TMEM161B: variants seen among roughly 807,000 people sequenced by gnomAD.
TMEM161B encodes the protein transmembrane protein 161B.
Under a neutral mutation model 61.8 loss-of-function variants are expected in TMEM161B, and 34 were observed. The ratio of observed to expected loss-of-function variants is 0.55; its 90% CI spans 0.42 to 0.73. TMEM161B has a LOEUF of 0.73. Among genes scored for constraint, TMEM161B ranks in the 30% least tolerant of loss-of-function variants. The pLI is 0.00. For synonymous variants in TMEM161B, 167 were observed against 192.8 expected (o/e 0.87, Z 1.11); for missense variants, 456 against 558.5 (o/e 0.82, Z 1.85).
At chr5:88,191,539 CTT>C (rs961890995), downstream of TMEM161B, among the ~76,000 whole-genome samples, 4 of 152,162 alleles carry the variant, frequency 2.6e-5, no homozygotes, top group African/African-American at 4.8e-5. Context: ...AGAAAACACT[CTT>C]TGTGAAGTCA....
intron 1 of TMEM161B, among the ~76,000 whole-genome samples, chr5:88,260,392 C>A (rs1336764664): frequency 6.6e-6 from 1 of 152,108 alleles, no homozygotes; most frequent in Non-Finnish European, 1.5e-5. Context: ...AATTCTAGTT[C>A]AAGCACACTT....
At chr5:88,225,211 C>T (rs887978617) in intron 4 of TMEM161B, among the ~76,000 whole-genome samples, 1 of 152,156 alleles carries the variant, frequency 6.6e-6, no homozygotes, top group African/African-American at 2.4e-5. Context: ...TCATGATCCG[C>T]CCGCCTTGGC....
chr5:88,187,771 C>CTTTA (rs10658606), downstream of TMEM161B, among the ~76,000 whole-genome samples: 126,784 of 151,562 alleles, frequency 0.84, 53,196 homozygotes, highest in Non-Finnish European at 0.88. Flanking sequence ...TCGTTTTTAG[C>CTTTA]TTAATTTTCT....
At chr5:88,207,759 C>G (rs765269826) in intron 5 of TMEM161B, among the ~76,000 whole-genome samples, 4 of 152,152 alleles carry the variant, frequency 2.6e-5, no homozygotes, top group East Asian at 3.9e-4. Context: ...CCAACACACA[C>G]AAATTGATTT....
chr5:88,235,834 C>T (rs181331171), intron 2 of TMEM161B, among the ~76,000 whole-genome samples: 8 of 152,264 alleles, frequency 5.3e-5, no homozygotes, highest in Non-Finnish European at 1.5e-5. Flanking sequence ...AAAACCTAGA[C>T]AATCTTTCAG....
intron 1 of TMEM161B, among the ~76,000 whole-genome samples, chr5:88,244,068 C>T (rs896103704): frequency 5.3e-5 from 8 of 151,906 alleles, no homozygotes; most frequent in Admixed American, 4.6e-4. Context: ...AATATTTTCT[C>T]ATTCTGCAGG....
At chr5:88,239,530 A>T (rs985036714) in intron 2 of TMEM161B, among the ~76,000 whole-genome samples, 1 of 151,910 alleles carries the variant, frequency 6.6e-6, no homozygotes, top group Non-Finnish European at 1.5e-5. Flanking sequence ...GTAAAAAAAT[A>T]GTTAAAGATT....
downstream of TMEM161B, among the ~76,000 whole-genome samples, chr5:88,187,373 C>G (rs1748410436): frequency 2.0e-5 from 3 of 152,004 alleles, no homozygotes; most frequent in Admixed American, 2.0e-4. Flanking sequence ...TTTGGTGAAA[C>G]TATTATTTGG....
chr5:88,228,393 T>G, intron 3 of TMEM161B, 52 bp downstream of exon 3: 1 of 1,265,068 alleles, frequency 7.9e-7, no homozygotes, highest in South Asian at 1.3e-5. Flanking sequence ...AAAAATGTAT[T>G]TATATAAATT....
intron 1 of TMEM161B, among the ~76,000 whole-genome samples, chr5:88,248,714 G>A (rs1213152871): frequency 1.1e-3 from 128 of 117,484 alleles, no homozygotes; most frequent in East Asian, 1.5e-3. Context: ...AGTCGACTGA[G>A]AAAAAAAAAA....
intron 5 of TMEM161B, among the ~76,000 whole-genome samples, chr5:88,212,029 A>G (rs1165700019): frequency 6.6e-6 from 1 of 152,198 alleles, no homozygotes; most frequent in Non-Finnish European, 1.5e-5. Context: ...AAGACAAATC[A>G]AGAGACAACT....
At chr5:88,190,230 G>C, downstream of TMEM161B, 2 of 701,060 alleles carry the variant, frequency 2.9e-6, no homozygotes, top group Non-Finnish European at 5.2e-6. Flanking sequence ...TTGCATGCCG[G>C]GTGGAACGGC....
At chr5:88,248,589 G>A (rs1304558212) in intron 1 of TMEM161B, among the ~76,000 whole-genome samples, 1 of 151,862 alleles carries the variant, frequency 6.6e-6, no homozygotes, top group African/African-American at 2.4e-5. Flanking sequence ...TTCCAAAATT[G>A]TGGTACCTCT....
At chr5:88,191,405 A>T (rs1377018842), downstream of TMEM161B, among the ~76,000 whole-genome samples, 3 of 152,080 alleles carry the variant, frequency 2.0e-5, no homozygotes, top group East Asian at 5.8e-4. Context: ...CTTGGAGGGA[A>T]GAGATTTTGC....
intron 6 of TMEM161B, 39 bp from the exon 7 acceptor site, chr5:88,206,538 T>A: frequency 2.0e-6 from 3 of 1,476,502 alleles, no homozygotes; most frequent in Non-Finnish European, 2.7e-6. Flanking sequence ...ATTACTCTTA[T>A]CACAAATGTG....
downstream of TMEM161B, among the ~76,000 whole-genome samples, chr5:88,185,710 A>C (rs1245339735): frequency 2.0e-5 from 3 of 152,210 alleles, no homozygotes; most frequent in African/African-American, 7.2e-5. Context: ...GAATTAGTTA[A>C]ATACCAGACA....
chr5:88,197,796 T>A (rs961628505), intron 10 of TMEM161B, 31 bp from the exon 11 acceptor site: 2 of 1,573,446 alleles, frequency 1.3e-6, no homozygotes, highest in African/African-American at 2.7e-5. Context: ...AAGTGTCTAA[T>A]GCAACTGACA....
intron 5 of TMEM161B, among the ~76,000 whole-genome samples, chr5:88,211,133 T>C (rs1746639265): frequency 6.6e-6 from 1 of 151,738 alleles, no homozygotes; most frequent in African/African-American, 2.4e-5. Context: ...TAAGATGTAT[T>C]AGAGTATCAC....
chr5:88,254,544 ATGAT>A (rs1754730475), intron 1 of TMEM161B, among the ~76,000 whole-genome samples: 2 of 152,174 alleles, frequency 1.3e-5, no homozygotes, highest in Non-Finnish European at 2.9e-5. Context: ...CATCAGAAAA[ATGAT>A]TGATTTAGCA....
Sources: allele counts gnomAD v4.1 joint callset (sites outside exome capture counted in the v4.1 genomes callset), GRCh38; gene constraint gnomAD v4.1.1; transcripts MANE v1.5; gene names NCBI Gene and HGNC (gene_info 2026-07-23, HGNC 2026-07-21).